Variants in ABHD2 observed in about 807,000 individuals in gnomAD.
ABHD2 encodes monoacylglycerol lipase ABHD2.
In ABHD2, 20 loss-of-function variants were observed where a neutral mutation model predicts 48.1. The ratio of observed to expected loss-of-function variants is 0.42; its 90% CI spans 0.29 to 0.60. The LOEUF (loss-of-function observed/expected upper bound fraction) is 0.60, where lower values mean the gene tolerates loss of function less well. Among genes scored for constraint, ABHD2 ranks in the 20% least tolerant of loss-of-function variants. ABHD2 has a pLI of 0.24. For synonymous variants in ABHD2, 209 were observed against 214.2 expected, an observed-to-expected ratio of 0.98 and a Z score of 0.21; for missense variants, 405 against 550.9, an observed-to-expected ratio of 0.74 and a Z score of 2.65.
In ABHD2 at chr15:89,202,296, T is replaced by C. The variant is rs2051473272; in HGVS notation, c.*6873T>C. 6.5e-6 allele frequency: 1 copy of C among 152,750 alleles called. No individual in the cohort carries two copies. Among genetic ancestry groups the C allele is most frequent in the African/African-American group, 2.4e-5 (1 of 41,464 alleles). 9.5% of individuals were successfully genotyped at this position (152,750 alleles called of 1,614,324 possible). A position where few individuals can be genotyped will look rare whatever the true frequency, so the allele number is the denominator to read the frequency against. On this transcript the variant is annotated 3_prime_UTR_variant, in exon 11 of 11. Coordinates refer to ENST00000352732, the MANE Select transcript of ABHD2 (RefSeq NM_152924.5). The stretch of plus-strand genomic sequence containing the variant: ...AACAAAGATCATTACAAACAAAAAC[T>C]GTAATTTTGTTATATTTGATTCAAT...
chr15:89,081,895 T>C, the ABHD2 span, among the ~76,000 whole-genome samples: 1 of 152,158 alleles, frequency 6.6e-6, no homozygotes, highest in African/African-American at 2.4e-5. Context: ...CCTTATGAAA[T>C]GATTTTAATG....
intron 1 of ABHD2, among the ~76,000 whole-genome samples, chr15:89,099,517 G>A (rs944160745): frequency 6.6e-6 from 1 of 152,210 alleles, no homozygotes; most frequent in African/African-American, 2.4e-5. Flanking sequence ...GGAAGCTGAG[G>A]CAGGAAGATC....
intron 1 of ABHD2, among the ~76,000 whole-genome samples, chr15:89,101,156 A>G (rs966069557): frequency 1.3e-5 from 2 of 152,116 alleles, no homozygotes; most frequent in Admixed American, 6.5e-5. Context: ...ATCCTGTTTT[A>G]GCTTTGAATA....
rs2051430364 is a variant in ABHD2 at position 89,197,840 on chromosome 15, G to A, written c.*2417G>A. On this transcript the variant is annotated 3_prime_UTR_variant, in exon 11 of 11. Transcript: ENST00000352732. The surrounding 1 kb of genome is among the most constrained non-coding windows in gnomAD (Gnocchi z 4.4). ...CAGTGTCCCAGCTGAAATCTTTTTA[G>A]TGTGTGGCTCTGAATGGCACTCACA... 1 of 152,194 alleles carries A rather than the reference G, an allele frequency of 6.6e-6. No individual in the cohort carries two copies. Among genetic ancestry groups the A allele is most frequent in the South Asian group, 2.1e-4 (1 of 4,828 alleles). 9.4% of individuals were successfully genotyped at this position (152,194 alleles called of 1,614,324 possible).
intron 3 of ABHD2, among the ~76,000 whole-genome samples, chr15:89,143,571 G>A (rs2050441358): frequency 6.6e-6 from 1 of 152,084 alleles, no homozygotes; most frequent in South Asian, 2.1e-4. Context: ...GGAGGCTTAG[G>A]CAGGAGAATC....
chr15:89,141,130 A>C (rs972363045), intron 3 of ABHD2, among the ~76,000 whole-genome samples: 10 of 151,902 alleles, frequency 6.6e-5, no homozygotes, highest in African/African-American at 2.4e-4. Flanking sequence ...CACCACACCC[A>C]GCTAATTAAT....
At chr15:89,082,419 T>C in the ABHD2 span, 1 of 152,254 alleles carries the variant, frequency 6.6e-6, no homozygotes, top group Non-Finnish European at 1.5e-5. The surrounding 1 kb of genome is among the most constrained non-coding windows in gnomAD (Gnocchi z 4.4). Flanking sequence ...TCCATTTTTT[T>C]CATCTTCTCG....
chr15:89,041,309 T>C, the ABHD2 span: 1 of 152,256 alleles, frequency 6.6e-6, no homozygotes, highest in African/African-American at 2.4e-5. Context: ...ATGTGAGTTT[T>C]GTGGTTTTAA....
At chr15:89,043,113 T>C in the ABHD2 span, among the ~76,000 whole-genome samples, 1 of 152,236 alleles carries the variant, frequency 6.6e-6, no homozygotes. Context: ...ACAAATGTTC[T>C]TCCCAAAACC....
At position 89,098,200 on chromosome 15, in the gene ABHD2, A is replaced by G. The variant is rs191073422; in HGVS notation, c.-107+9637A>G. 2.3e-3 allele frequency among the ~76,000 whole-genome samples: 350 copies of G among 152,266 alleles called. No homozygotes were observed. The Middle Eastern group carries it at 0.027, about 12-fold the overall frequency. On this transcript the variant is annotated intron_variant, in intron 1 of 10. Coordinates refer to ENST00000352732, the MANE Select transcript of ABHD2 (RefSeq NM_152924.5). ...CAGGCAAATTTTAGCAAATTTCTACATATATTGTTTGGCATCCTATTACTT... is the reference window on the plus strand; with the variant it reads ...CAGGCAAATTTTAGCAAATTTCTACGTATATTGTTTGGCATCCTATTACTT...
chr15:89,093,275 G>A (rs1409327791), intron 1 of ABHD2, among the ~76,000 whole-genome samples: 3 of 151,094 alleles, frequency 2.0e-5, no homozygotes, highest in Non-Finnish European at 2.9e-5. Context: ...CTGCTTCGCG[G>A]GTTCAAACGA....
intron 5 of ABHD2, among the ~76,000 whole-genome samples, chr15:89,159,336 C>G (rs1596129846): frequency 6.6e-6 from 1 of 152,080 alleles, no homozygotes; most frequent in Admixed American, 6.5e-5. Flanking sequence ...GAGATCACAC[C>G]ACTGCACTTC....
At chr15:89,071,962 C>T in the ABHD2 span, among the ~76,000 whole-genome samples, 1 of 152,180 alleles carries the variant, frequency 6.6e-6, no homozygotes, top group Non-Finnish European at 1.5e-5. Context: ...AAGACGAAGA[C>T]TATTCTGGTT....
chr15:89,049,886 G>C, the ABHD2 span, among the ~76,000 whole-genome samples: 1 of 152,188 alleles, frequency 6.6e-6, no homozygotes, highest in Admixed American at 6.5e-5. Context: ...GACTGGAGCT[G>C]TTCCTATTCG....
intron 4 of ABHD2, among the ~76,000 whole-genome samples, chr15:89,152,077 GT>G (rs34458230): frequency 0.46 from 64,632 of 139,728 alleles, 13,991 homozygotes; most frequent in East Asian, 0.7. Flanking sequence ...TTGTAGAATA[GT>G]TTTTTTTTTT....
Position 89,155,320 on chromosome 15 carries a change from A to G in ABHD2, c.371-47A>G. ...TGAAGTGTAATTATGTCCATTTATC[A>G]TGTCACATTTCTTGGATACATCAGG... On this transcript the variant is annotated intron_variant, in intron 4 of 10. Transcript: ENST00000352732. This position sits in a 1 kb window ranked among gnomAD's most constrained non-coding sequence, Gnocchi z 4.9. 1.9e-6 allele frequency: 3 copies of G among 1,574,150 alleles called. No individual in the cohort carries two copies. The highest frequency in any genetic ancestry group is 2.6e-6 in the Non-Finnish European group (3 of 1,149,106).
intron 3 of ABHD2, among the ~76,000 whole-genome samples, chr15:89,132,147 G>A (rs189359728): frequency 6.6e-6 from 1 of 152,312 alleles, no homozygotes; most frequent in African/African-American, 2.4e-5. Context: ...ATCCAACAAT[G>A]GAGGCAGCAG....
intron 6 of ABHD2, among the ~76,000 whole-genome samples, chr15:89,180,261 T>C (rs1052228105): frequency 7.2e-5 from 11 of 152,222 alleles, no homozygotes; most frequent in Non-Finnish European, 1.5e-4. Context: ...TTGGGGCTTT[T>C]TGTGGGTTTT....
In ABHD2 at chr15:89,091,339, T is replaced by A. The variant is rs552400437; in HGVS notation, c.-107+2776T>A. 4.6e-5 allele frequency among the ~76,000 whole-genome samples: 7 copies of A among 152,332 alleles called. 1 individual carries two copies. In the South Asian group the frequency reaches 1.4e-3, roughly 32 times the overall value. ...AAATGGCACCTTCTCATGCTTTATT[T>A]TTCTTGAGTTGATTCTGAATTTCGG... On this transcript the variant is annotated intron_variant, in intron 1 of 10. Coordinates refer to ENST00000352732, the MANE Select transcript of ABHD2 (RefSeq NM_152924.5). The surrounding 1 kb of genome is among the most constrained non-coding windows in gnomAD (Gnocchi z 5.5).
Sources: allele counts gnomAD v4.1 joint callset (sites outside exome capture counted in the v4.1 genomes callset), GRCh38; gene constraint gnomAD v4.1.1; non-coding constraint Gnocchi (gnomAD v3.1); transcripts MANE v1.5; gene names NCBI Gene and HGNC (gene_info 2026-07-23, HGNC 2026-07-21).